The following BCHE variants were observed in gnomAD, a reference collection of about 807,000 sequenced individuals.
The protein encoded by BCHE is cholinesterase.
A neutral mutation model predicts 51.3 loss-of-function variants in BCHE; 48 were observed. The observed-to-expected ratio is 0.94, with a 90% CI of 0.74 to 1.19. BCHE has a LOEUF of 1.19. Among genes scored for constraint, BCHE ranks in the 50% most tolerant of loss-of-function variants. The pLI is 0.00. For missense variants in BCHE, 847 were observed against 708.2 expected, an observed-to-expected ratio of 1.20 and a Z score of -2.23; for synonymous variants, 251 against 238.0, an observed-to-expected ratio of 1.05 and a Z score of -0.50.
chr3:165,783,462 C>A (rs114611957), intron 3 of BCHE, among the ~76,000 whole-genome samples: 1 of 152,108 alleles, frequency 6.6e-6, no homozygotes, highest in Admixed American at 6.6e-5. Flanking sequence ...CTAGTTTCAA[C>A]ATTTTCTCCA....
At chr3:165,773,544 T>A in intron 3 of BCHE, 38 bp from the exon 4 acceptor site, 1 of 1,562,288 alleles carries the variant, frequency 6.4e-7, no homozygotes. Flanking sequence ...ATCAAAATTT[T>A]TATCTGTTTC....
intron 2 of BCHE, among the ~76,000 whole-genome samples, chr3:165,796,665 C>T (rs147116110): frequency 1.7e-3 from 264 of 152,148 alleles, no homozygotes; most frequent in African/African-American, 6.2e-3. Flanking sequence ...TTAAAGCATA[C>T]TTTTATATAT....
intron 1 of BCHE, 70 bp from the exon 2 acceptor site, chr3:165,831,111 A>G: frequency 7.6e-7 from 1 of 1,310,780 alleles, no homozygotes; most frequent in Non-Finnish European, 1.1e-6. Context: ...ATTGATGATA[A>G]TTACCTAAAA....
chr3:165,778,760 T>C (rs772571616), intron 3 of BCHE: 1 of 422,370 alleles, frequency 2.4e-6, no homozygotes, highest in East Asian at 7.2e-5. Flanking sequence ...ATCAAATTAG[T>C]TGACAAAAAA....
chr3:165,819,837 G>T (rs1234720768), intron 2 of BCHE, among the ~76,000 whole-genome samples: 1 of 152,104 alleles, frequency 6.6e-6, no homozygotes, highest in African/African-American at 2.4e-5. Context: ...ACTATGTTTT[G>T]TTACTTTGCA....
rs1458567637 is a variant in BCHE at position 165,829,605 on chromosome 3, G to A, written c.1429C>T (p.Pro477Ser). The A allele has an allele frequency of 3.1e-6, 5 of 1,613,640 alleles. No homozygotes were observed. The highest frequency in any genetic ancestry group is 4.2e-6 in the Non-Finnish European group (5 of 1,179,816). Reference protein sequence around the residue: ...GYEIEFVFGLPLERRDNYTKA... With the variant: ...GYEIEFVFGLSLERRDNYTKA... ...GTGTAATTATCTCTTCTTTCCAGAG[G>A]TAAACCAAAGACAAATTCAATTTCA... The change falls in exon 2 of 4, where the codon CCT becomes TCT. Residue 477 changes from proline to serine, a missense_variant. Coordinates refer to ENST00000264381, the MANE Select transcript of BCHE (RefSeq NM_000055.4).
chr3:165,829,635 C>T lies in BCHE; in HGVS notation c.1399G>A (p.Gly467Ser), dbSNP rs772583466. The change falls in exon 2 of 4, where the codon GGC becomes AGC. Residue 467 changes from glycine (G) to serine (S), a missense_variant. Transcript: ENST00000264381. ...CCAAAGACAAATTCAATTTCATAGC[C>T]ATGCATCACTCCCATCCATTCTGGC... ...PWPEWMGVMH[G>S]YEIEFVFGLP... The T allele has an allele frequency of 1.2e-6, 2 of 1,613,796 alleles. No homozygotes were observed. Among genetic ancestry groups the T allele is most frequent in the Non-Finnish European group, 1.7e-6 (2 of 1,179,850 alleles).
intron 2 of BCHE, among the ~76,000 whole-genome samples, chr3:165,800,194 G>C (rs2108213426): frequency 6.6e-6 from 1 of 151,998 alleles, no homozygotes; most frequent in Non-Finnish European, 1.5e-5. Flanking sequence ...AAGTTATCTT[G>C]AAGTAATGTT....
rs531738678 is a variant in BCHE, at chr3:165,830,868, A to T, written c.166T>A (p.Phe56Ile). 134 of 1,613,868 alleles carry T rather than the reference A, an allele frequency of 8.3e-5. No homozygotes were observed. The highest frequency in any genetic ancestry group is 1.1e-4 in the Non-Finnish European group (127 of 1,179,924). ...LTVFGGTVTAFLGIPYAQPPL... is the reference protein window; with the variant it reads ...LTVFGGTVTAILGIPYAQPPL... Reference sequence around the variant, plus strand: ...GGCTGTGCATAGGGAATTCCAAGAAAGGCTGTTACCGTGCCACCAAAAACT... The same window carrying T: ...GGCTGTGCATAGGGAATTCCAAGAATGGCTGTTACCGTGCCACCAAAAACT... Residue 56 changes from phenylalanine to isoleucine, a missense_variant, in exon 2 of 4, where the codon TTT becomes ATT. By Grantham distance (21) the Phe-to-Ile change is conservative. Transcript: ENST00000264381.
At chr3:165,785,000 A>G (rs533079950) in intron 3 of BCHE, among the ~76,000 whole-genome samples, 9 of 151,866 alleles carry the variant, frequency 5.9e-5, no homozygotes, top group Non-Finnish European at 1.2e-4. Flanking sequence ...CTGGTTATAT[A>G]TTATGTCACA....
chr3:165,784,936 C>T (rs829508), intron 3 of BCHE, among the ~76,000 whole-genome samples: 98,648 of 151,440 alleles, frequency 0.65, 34,579 homozygotes, highest in East Asian at 0.78. Context: ...TATTTACACC[C>T]GGAGGACAAA....
chr3:165,797,975 C>A (rs1335109134), intron 2 of BCHE, among the ~76,000 whole-genome samples: 2 of 152,122 alleles, frequency 1.3e-5, no homozygotes, highest in Admixed American at 1.3e-4. Flanking sequence ...AATAATTGTT[C>A]TTGAATTCAA....
intron 2 of BCHE, among the ~76,000 whole-genome samples, chr3:165,788,376 A>G (rs867794463): frequency 8.5e-5 from 13 of 152,112 alleles, no homozygotes; most frequent in African/African-American, 2.9e-4. Context: ...AGAATTATTA[A>G]TAATCAGAGC....
At chr3:165,778,718 C>T (rs1231607342) in intron 3 of BCHE, 2 of 453,552 alleles carry the variant, frequency 4.4e-6, no homozygotes, top group South Asian at 3.1e-5. Flanking sequence ...GTTCCTGGCT[C>T]ACAGTAGCAG....
chr3:165,796,477 A>G (rs182957092), intron 2 of BCHE, among the ~76,000 whole-genome samples: 263 of 152,274 alleles, frequency 1.7e-3, no homozygotes, highest in African/African-American at 6.2e-3. Context: ...TCATATTGTC[A>G]GTCAGTATTG....
Position 165,830,591 on chromosome 3 carries a change from G to C in BCHE, c.443C>G (p.Thr148Ser). The C allele has an allele frequency of 6.2e-7, 1 of 1,613,950 alleles. No homozygotes were observed. Among genetic ancestry groups the C allele is most frequent in the Non-Finnish European group, 8.5e-7 (1 of 1,179,942 alleles). The change falls in exon 2 of 4, where the codon ACT becomes AGT. Residue 148 changes from threonine (T) to serine (S), a missense_variant. By Grantham distance (58) the Thr-to-Ser change is moderately conservative (BLOSUM62 1). Transcript: ENST00000264381. ...ATAAACATGTAAAGATGATGTTCCA[G>C]TTTGAAAACCACCACCATAAATCCA... is the stretch of plus-strand genomic sequence containing the variant. ...LIWIYGGGFQ[T>S]GTSSLHVYDG...
chr3:165,790,013 A>C (rs1713107523), intron 2 of BCHE, among the ~76,000 whole-genome samples: 2 of 152,208 alleles, frequency 1.3e-5, no homozygotes, highest in African/African-American at 4.8e-5. Flanking sequence ...AGTGATAATA[A>C]AATGAGGACT....
At chr3:165,786,734 T>C (rs1712971583) in intron 2 of BCHE, among the ~76,000 whole-genome samples, 1 of 151,796 alleles carries the variant, frequency 6.6e-6, no homozygotes, top group African/African-American at 2.4e-5. Context: ...TTCTATATAC[T>C]CTTATTAATA....
intron 2 of BCHE, among the ~76,000 whole-genome samples, chr3:165,795,965 G>T (rs1213443172): frequency 6.6e-6 from 1 of 151,960 alleles, no homozygotes; most frequent in Non-Finnish European, 1.5e-5. Context: ...AAGAGGAGAA[G>T]AGAAGAACCC....
Sources: gnomAD v4.1 joint callset for allele counts (sites outside exome capture counted in the v4.1 genomes callset) on GRCh38, gnomAD v4.1.1 for gene constraint, MANE v1.5 for transcripts, NCBI Gene and HGNC (gene_info 2026-07-23, HGNC 2026-07-21) for gene names.